KIAA0825: variants seen among roughly 807,000 people sequenced by gnomAD.
KIAA0825 encodes uncharacterized protein KIAA0825.
Under a neutral mutation model 147.6 loss-of-function variants are expected in KIAA0825, and 119 were observed. The ratio of observed to expected loss-of-function variants is 0.81; its 90% confidence interval spans 0.69 to 0.94. The LOEUF (loss-of-function observed/expected upper bound fraction) is 0.94. Among genes scored for constraint, KIAA0825 ranks in the 40% least tolerant of loss-of-function variants. The pLI, the probability that KIAA0825 is intolerant of heterozygous loss-of-function variation, is 0.00. For synonymous variants in KIAA0825, 470 were observed against 518.1 expected, an observed-to-expected ratio of 0.91 and a Z score of 1.26; for missense variants, 1,381 against 1,472.7, an observed-to-expected ratio of 0.94 and a Z score of 1.02.
intron 2 of KIAA0825, among the ~76,000 whole-genome samples, chr5:94,563,618 A>T (rs1162868332): frequency 6.6e-6 from 1 of 152,236 alleles, no homozygotes; most frequent in African/African-American, 2.4e-5. Context: ...TTTGAAGTTT[A>T]ATTTATTAAA....
At chr5:94,545,002 C>T (rs1774059683) in intron 2 of KIAA0825, among the ~76,000 whole-genome samples, 1 of 151,680 alleles carries the variant, frequency 6.6e-6, no homozygotes, top group Admixed American at 6.6e-5. Flanking sequence ...TGGCAGCAAC[C>T]ACATAGTGTG....
At chr5:94,343,008 T>C (rs1371243352) in intron 20 of KIAA0825, among the ~76,000 whole-genome samples, 1 of 152,100 alleles carries the variant, frequency 6.6e-6, no homozygotes, top group Non-Finnish European at 1.5e-5. Flanking sequence ...GCATTGAGTA[T>C]ATCAAATACT....
intron 20 of KIAA0825, among the ~76,000 whole-genome samples, chr5:94,343,473 G>A (rs917806393): frequency 6.6e-6 from 1 of 152,130 alleles, no homozygotes; most frequent in Non-Finnish European, 1.5e-5. Context: ...GGTGGATCAT[G>A]AGGTCAGGAG....
intron 3 of KIAA0825, among the ~76,000 whole-genome samples, chr5:94,533,887 G>A (rs1771432955): frequency 2.0e-5 from 3 of 152,160 alleles, no homozygotes; most frequent in Admixed American, 1.3e-4. Flanking sequence ...TTTCTTGAAG[G>A]GCAGGTGAAG....
intron 2 of KIAA0825, among the ~76,000 whole-genome samples, chr5:94,555,337 A>G (rs1776347764): frequency 6.6e-6 from 1 of 152,042 alleles, no homozygotes; most frequent in Non-Finnish European, 1.5e-5. Context: ...CATTCAATTT[A>G]TTTTCTCAAC....
intron 10 of KIAA0825, among the ~76,000 whole-genome samples, 200 bp downstream of exon 10, chr5:94,469,761 G>A (rs1760990483): frequency 6.6e-6 from 1 of 152,120 alleles, no homozygotes; most frequent in South Asian, 2.1e-4. Context: ...TTAAGCAGAA[G>A]GAGAGTTCTG....
intron 1 of KIAA0825, among the ~76,000 whole-genome samples, chr5:94,601,514 C>T (rs901476602): frequency 6.6e-6 from 1 of 152,192 alleles, no homozygotes; most frequent in Admixed American, 6.5e-5. Flanking sequence ...ATGACCACAT[C>T]ACCTTTCCAG....
intron 20 of KIAA0825, among the ~76,000 whole-genome samples, chr5:94,222,539 A>G (rs1773759771): frequency 6.6e-6 from 1 of 152,202 alleles, no homozygotes; most frequent in African/African-American, 2.4e-5. Context: ...GTGGCAAAAG[A>G]GTGATGTAGA....
intron 20 of KIAA0825, among the ~76,000 whole-genome samples, chr5:94,192,600 A>G (rs1770770907): frequency 6.6e-6 from 1 of 152,108 alleles, no homozygotes; most frequent in Non-Finnish European, 1.5e-5. Flanking sequence ...GTAGTTCTTT[A>G]TCTACTTAAT....
At chr5:94,343,464 G>C (rs967187662) in intron 20 of KIAA0825, among the ~76,000 whole-genome samples, 8 of 152,196 alleles carry the variant, frequency 5.3e-5, no homozygotes, top group Non-Finnish European at 1.0e-4. Context: ...GCAGAGGTGG[G>C]TGGATCATGA....
intron 12 of KIAA0825, among the ~76,000 whole-genome samples, chr5:94,453,774 C>T (rs1758737060): frequency 6.6e-6 from 1 of 152,004 alleles, no homozygotes; most frequent in Admixed American, 6.6e-5. Flanking sequence ...ATTACTTATG[C>T]TTCCCATGAG....
At chr5:94,594,235 G>A in intron 1 of KIAA0825, 1 of 602,946 alleles carries the variant, frequency 1.7e-6, no homozygotes, top group Non-Finnish European at 3.3e-6. Context: ...GTCCAGTTTT[G>A]TCTTATGGAA....
intron 1 of KIAA0825, among the ~76,000 whole-genome samples, chr5:94,596,835 G>C (rs1157690176): frequency 6.6e-6 from 1 of 151,946 alleles, no homozygotes; most frequent in African/African-American, 2.4e-5. Context: ...TATTTTTGTG[G>C]CAATTGTGAA....
chr5:94,327,997 T>C (rs1259870078), intron 20 of KIAA0825, among the ~76,000 whole-genome samples: 1 of 151,912 alleles, frequency 6.6e-6, no homozygotes, highest in Non-Finnish European at 1.5e-5. Flanking sequence ...AGAGCTAGAC[T>C]CCGTCTCAAA....
At chr5:94,507,462 C>G (rs754770166) in intron 5 of KIAA0825, among the ~76,000 whole-genome samples, 29 of 151,148 alleles carry the variant, frequency 1.9e-4, no homozygotes, top group Non-Finnish European at 2.9e-4. Flanking sequence ...CCCGCCCCCC[C>G]CAAAAAAACC....
At chr5:94,321,225 CT>C (rs1301317308) in intron 20 of KIAA0825, among the ~76,000 whole-genome samples, 2 of 151,878 alleles carry the variant, frequency 1.3e-5, no homozygotes, top group Non-Finnish European at 1.5e-5. Flanking sequence ...CATTGGCTAC[CT>C]TTTGCACAAA....
chr5:94,222,867 A>G (rs924525697), intron 20 of KIAA0825, among the ~76,000 whole-genome samples: 1 of 152,232 alleles, frequency 6.6e-6, no homozygotes, highest in Non-Finnish European at 1.5e-5. Flanking sequence ...GATATACAAT[A>G]TGATGCTGTG....
At chr5:94,614,513 C>T (rs73134683) in intron 1 of KIAA0825, among the ~76,000 whole-genome samples, 12,421 of 152,216 alleles carry the variant, frequency 0.082, 560 homozygotes, top group South Asian at 0.12. Flanking sequence ...CTTTTTACCT[C>T]AGCTTTATTA....
rs545372079 is a variant in KIAA0825, at chr5:94,217,852, CG to C, written c.3711-63729del. On this transcript the variant is annotated intron_variant, in intron 20 of 20. Transcript: ENST00000682413. Reference sequence around the variant, plus strand: ...ACTTAGATTCACTTATAAGGCAATACGTTTTTTTAACAAAACAAGAAGGTGG... The same window carrying C: ...ACTTAGATTCACTTATAAGGCAATACTTTTTTTAACAAAACAAGAAGGTGG... Among the ~76,000 whole-genome samples, 94 of 152,112 alleles carry C rather than the reference CG, an allele frequency of 6.2e-4. 1 individual carries two copies. The highest frequency in any genetic ancestry group is 1.8e-3 in the African/African-American group (75 of 41,512).
Sources: gnomAD v4.1 joint callset for allele counts (sites outside exome capture counted in the v4.1 genomes callset) on GRCh38, gnomAD v4.1.1 for gene constraint, MANE v1.5 for transcripts, NCBI Gene and HGNC (gene_info 2026-07-23, HGNC 2026-07-21) for gene names.